KY: variants seen among roughly 807,000 people sequenced by gnomAD.
KY encodes the protein kyphoscoliosis peptidase.
In KY, 43 loss-of-function variants were observed where a neutral mutation model predicts 76.1. The observed-to-expected ratio is 0.57, with a 90% CI of 0.44 to 0.73. The LOEUF (loss-of-function observed/expected upper bound fraction) is 0.73, where lower values mean the gene tolerates loss of function less well. Among genes scored for constraint, KY ranks in the 30% least tolerant of loss-of-function variants. The probability of loss-of-function intolerance (pLI) is 0.00; values close to 1 mark genes in which losing one functional copy is unlikely to be tolerated. For missense variants in KY, 722 were observed against 828.9 expected (o/e 0.87, Z 1.58); for synonymous variants, 277 against 326.2 (o/e 0.85, Z 1.63).
intron 8 of KY, among the ~76,000 whole-genome samples, chr3:134,617,993 G>A (rs976990271): frequency 6.6e-6 from 1 of 152,118 alleles, no homozygotes; most frequent in African/African-American, 2.4e-5. Flanking sequence ...CAGGAGGTAT[G>A]CTTGGGTCTG....
At chr3:134,615,379 A>G (rs1272150773) in intron 8 of KY, 1 of 139,030 alleles carries the variant, frequency 7.2e-6, no homozygotes, top group African/African-American at 2.6e-5. Context: ...TTCACGTGTG[A>G]AAACATCTAT....
intron 2 of KY, among the ~76,000 whole-genome samples, chr3:134,643,829 CT>C (rs3064322): frequency 6.2e-4 from 88 of 143,006 alleles, no homozygotes; most frequent in East Asian, 8.4e-4. Context: ...TCTCCTGCTT[CT>C]TTTTTTTTTT....
intron 6 of KY, among the ~76,000 whole-genome samples, chr3:134,623,066 C>T (rs566317555): frequency 9.6e-4 from 147 of 152,332 alleles, no homozygotes; most frequent in African/African-American, 3.4e-3. Flanking sequence ...CCCAGGGCCC[C>T]GAATGGTACT....
In KY at chr3:134,608,846, C is replaced by T; in HGVS notation, c.900-7G>A. The T allele has an allele frequency of 6.2e-7, 1 of 1,602,144 alleles. No individual in the cohort carries two copies. The highest frequency in any genetic ancestry group is 8.5e-7 in the Non-Finnish European group (1 of 1,172,130). Reference sequence around the variant, plus strand: ...GAAGTAGAACTCATTGTAGCTGGAGCAGAGACAAGCTGGTTAGCAGCCAGC... The same window carrying T: ...GAAGTAGAACTCATTGTAGCTGGAGTAGAGACAAGCTGGTTAGCAGCCAGC... On this transcript the variant is annotated splice_polypyrimidine_tract_variant and splice_region_variant and intron_variant, in intron 9 of 10. Coordinates refer to ENST00000423778, the MANE Select transcript of KY (RefSeq NM_178554.6).
chr3:134,614,428 G>T (rs1033296205), intron 8 of KY, among the ~76,000 whole-genome samples: 6 of 152,054 alleles, frequency 3.9e-5, no homozygotes, highest in African/African-American at 1.4e-4. Context: ...TGAACAAGCT[G>T]CCAAGGAGCA....
intron 3 of KY, among the ~76,000 whole-genome samples, chr3:134,642,080 T>C (rs1378615984): frequency 6.6e-6 from 1 of 152,176 alleles, no homozygotes. Context: ...TAGAGCTGCA[T>C]TCTCAGGAAT....
intron 2 of KY, 97 bp from the exon 3 acceptor site, chr3:134,643,475 C>G: frequency 3.0e-6 from 3 of 1,014,412 alleles, no homozygotes; most frequent in Non-Finnish European, 3.0e-6. Flanking sequence ...GGTGGGCTGG[C>G]GGGGGCCAAG....
intron 8 of KY, among the ~76,000 whole-genome samples, chr3:134,614,001 A>G (rs1292225975): frequency 6.6e-6 from 1 of 152,226 alleles, no homozygotes; most frequent in Non-Finnish European, 1.5e-5. Flanking sequence ...CAATGTAACA[A>G]CATAAAAAAA....
chr3:134,634,686 C>T (rs141636918), intron 3 of KY, among the ~76,000 whole-genome samples: 133 of 152,316 alleles, frequency 8.7e-4, no homozygotes, highest in Middle Eastern at 3.4e-3. Flanking sequence ...CGAGTCCACT[C>T]ATATGGTCCT....
Position 134,610,268 on chromosome 3 carries a change from C to T in KY, c.826G>A (p.Gly276Arg). ...GTGCTGTCCACCAGGTGCCATCTTC[C>T]CTCCAGGTACACAGCATTCCAGGCA... ...DHAWNAVYLE[G>R]RWHLVDSTWG... Residue 276 changes from glycine (G) to arginine (R), a missense_variant, in exon 9 of 11, where the codon GGA becomes AGA. By Grantham distance (125) the Gly-to-Arg change is moderately radical (BLOSUM62 -2). Coordinates refer to ENST00000423778, the MANE Select transcript of KY (RefSeq NM_178554.6). 1 of 1,613,978 alleles carries T rather than the reference C, an allele frequency of 6.2e-7. No individual in the cohort carries two copies. The highest frequency in any genetic ancestry group is 8.5e-7 in the Non-Finnish European group (1 of 1,179,894).
intron 10 of KY, chr3:134,608,385 G>A: frequency 1.4e-6 from 2 of 1,423,194 alleles, no homozygotes; most frequent in Non-Finnish European, 1.9e-6. Flanking sequence ...GCAGCCTTCA[G>A]ACACATCCCT....
intron 3 of KY, 37 bp downstream of exon 3, chr3:134,643,279 C>T: frequency 6.2e-7 from 1 of 1,608,836 alleles, no homozygotes. Flanking sequence ...GGGCACACCT[C>T]TGCAGGGGAG....
intron 4 of KY, among the ~76,000 whole-genome samples, chr3:134,628,603 T>A (rs916168185): frequency 2.6e-5 from 4 of 152,152 alleles, no homozygotes; most frequent in Non-Finnish European, 4.4e-5. Context: ...CACACCTACA[T>A]TTTTTTCCCA....
intron 2 of KY, 71 bp downstream of exon 2, chr3:134,647,364 T>G: frequency 8.0e-7 from 1 of 1,250,408 alleles, no homozygotes; most frequent in Non-Finnish European, 1.1e-6. Flanking sequence ...TTCAAATGAG[T>G]GAAACCCAAT....
In KY at chr3:134,619,262, T is replaced by A; in HGVS notation, c.596A>T (p.Tyr199Phe). The change falls in exon 8 of 11, where the codon TAT becomes TTT. Residue 199 changes from tyrosine (Y) to phenylalanine (F), a missense_variant. Tyr to Phe is a conservative substitution (Grantham distance 22). Coordinates refer to ENST00000423778, the MANE Select transcript of KY (RefSeq NM_178554.6). ...CTTCTCCTGAGCAGCTGCAATGTCATACTCTATAGGGCAGGTGAGGGGATC... is the reference window on the plus strand; with the variant it reads ...CTTCTCCTGAGCAGCTGCAATGTCAAACTCTATAGGGCAGGTGAGGGGATC... The part of the protein sequence containing the change: ...IWIWICHHIE[Y>F]DIAAAQEKDR... The A allele has an allele frequency of 6.2e-7, 1 of 1,612,118 alleles. No homozygotes were observed. Among genetic ancestry groups the A allele is most frequent in the African/African-American group, 1.3e-5 (1 of 75,016 alleles).
rs371067831 is a variant in KY at position 134,602,737 on chromosome 3, T to C, written c.*842A>G. On this transcript the variant is annotated 3_prime_UTR_variant, in exon 11 of 11. Transcript: ENST00000423778. The stretch of plus-strand genomic sequence containing the variant: ...AGGGCCTGGAGGGCACTCCAGGCCT[T>C]AGACTGAACTACCTGCCCTGTGTAC... Among the ~76,000 whole-genome samples, 5 of 152,138 alleles carry C rather than the reference T, an allele frequency of 3.3e-5. No homozygotes were observed. The highest frequency in any genetic ancestry group is 3.9e-4 in the East Asian group (2 of 5,162).
chr3:134,611,504 T>C (rs1007215539), intron 8 of KY, among the ~76,000 whole-genome samples: 1 of 152,236 alleles, frequency 6.6e-6, no homozygotes, highest in African/African-American at 2.4e-5. Flanking sequence ...CTAGCCCTCC[T>C]AGGGCCTTTG....
intron 10 of KY, among the ~76,000 whole-genome samples, chr3:134,604,680 G>T (rs6806810): frequency 3.3e-5 from 5 of 152,054 alleles, no homozygotes; most frequent in African/African-American, 1.2e-4. Flanking sequence ...GCAGCACACC[G>T]CTGGAAGGGT....
intron 3 of KY, chr3:134,641,277 C>T (rs779054074): frequency 6.6e-5 from 10 of 152,122 alleles, no homozygotes; most frequent in Non-Finnish European, 1.3e-4. Context: ...ATCCCTGGAA[C>T]CTGTGAATGT....
Sources: allele counts gnomAD v4.1 joint callset (sites outside exome capture counted in the v4.1 genomes callset), GRCh38; gene constraint gnomAD v4.1.1; transcripts MANE v1.5; gene names NCBI Gene and HGNC (gene_info 2026-07-23, HGNC 2026-07-21).